Variants in SLC4A4 observed in about 807,000 individuals in gnomAD.
SLC4A4 encodes electrogenic sodium bicarbonate cotransporter 1.
A neutral mutation model predicts 111.5 loss-of-function variants in SLC4A4; 27 were observed. The observed-to-expected ratio is 0.24, with a 90% CI of 0.18 to 0.33. The LOEUF is 0.33. Among genes scored for constraint, SLC4A4 ranks in the 10% least tolerant of loss-of-function variants. The probability of loss-of-function intolerance (pLI) is 1.00; values close to 1 mark genes in which losing one functional copy is unlikely to be tolerated. For missense variants in SLC4A4, 909 were observed against 1,315.5 expected (o/e 0.69, Z 4.78); for synonymous variants, 443 against 463.4 (o/e 0.96, Z 0.57).
At chr4:71,484,007 C>G (rs576261285) in intron 14 of SLC4A4, among the ~76,000 whole-genome samples, 4 of 151,776 alleles carry the variant, frequency 2.6e-5, no homozygotes, top group Non-Finnish European at 5.9e-5. Flanking sequence ...CCTTAGCCCA[C>G]TTTTTAATAG....
intron 16 of SLC4A4, among the ~76,000 whole-genome samples, chr4:71,516,169 C>A (rs1347760606): frequency 8.0e-6 from 1 of 125,168 alleles, no homozygotes; most frequent in East Asian, 2.8e-4. Flanking sequence ...GATCTTGGCT[C>A]ACTGCAAGCT....
intron 3 of SLC4A4, among the ~76,000 whole-genome samples, chr4:71,323,474 A>C (rs1468486734): frequency 6.6e-6 from 1 of 152,002 alleles, no homozygotes; most frequent in Non-Finnish European, 1.5e-5. Flanking sequence ...ATCTGAACAA[A>C]AGGCTACAAG....
At chr4:71,500,932 T>C (rs759315243) in intron 16 of SLC4A4, among the ~76,000 whole-genome samples, 2 of 152,218 alleles carry the variant, frequency 1.3e-5, no homozygotes, top group Non-Finnish European at 2.9e-5. Context: ...TTGGTTTGGC[T>C]ATTTGGGGTC....
intron 1 of SLC4A4, among the ~76,000 whole-genome samples, chr4:71,087,379 A>G (rs1485140305): frequency 6.6e-6 from 1 of 151,722 alleles, no homozygotes; most frequent in African/African-American, 2.4e-5. Context: ...TGATTTTTTG[A>G]AGGGTTTTTT....
chr4:71,321,478 T>G (rs1727115498), intron 3 of SLC4A4, among the ~76,000 whole-genome samples: 1 of 151,942 alleles, frequency 6.6e-6, no homozygotes, highest in Non-Finnish European at 1.5e-5. Context: ...CTTTGCTGAT[T>G]AGTAGACATA....
At chr4:71,161,352 A>G (rs1276915327) in intron 2 of SLC4A4, among the ~76,000 whole-genome samples, 1 of 152,206 alleles carries the variant, frequency 6.6e-6, no homozygotes, top group Non-Finnish European at 1.5e-5. Context: ...ATCATCAGCT[A>G]TATCCTATTG....
rs143525059 is a variant in SLC4A4, at chr4:71,544,999, T to A, written c.2443-1351T>A. Among the ~76,000 whole-genome samples, 481 of 152,178 alleles carry A rather than the reference T, an allele frequency of 3.2e-3. 4 individuals carry two copies. The highest frequency in any genetic ancestry group is 0.011 in the African/African-American group (446 of 41,546). On this transcript the variant is annotated intron_variant, in intron 18 of 25. Transcript: ENST00000264485. Reference sequence around the variant, plus strand: ...ATGGTATTCACCTCACTAGTCATTATTGAACAAATTTATTTCAGCTCATCC... The same window carrying A: ...ATGGTATTCACCTCACTAGTCATTAATGAACAAATTTATTTCAGCTCATCC...
chr4:71,571,353 A>G lies in SLC4A4; in HGVS notation c.*3602A>G, dbSNP rs1406897939. 1 of 152,240 alleles carries G rather than the reference A, an allele frequency of 6.6e-6. No individual in the cohort carries two copies. Among genetic ancestry groups the G allele is most frequent in the South Asian group, 2.1e-4 (1 of 4,830 alleles). 9.4% of individuals were successfully genotyped at this position (152,240 alleles called of 1,614,324 possible). A position where few individuals can be genotyped will look rare whatever the true frequency, so the allele number is the denominator to read the frequency against. On this transcript the variant is annotated 3_prime_UTR_variant, in exon 26 of 26. Coordinates refer to ENST00000264485, the MANE Select transcript of SLC4A4 (RefSeq NM_001098484.3). ...ATATTTCACATTTGCTCTTCACAGC[A>G]TGAGCATGAAGCCCAGTGGCACCAA...
chr4:71,109,902 C>T (rs1397086651), intron 2 of SLC4A4, among the ~76,000 whole-genome samples: 1 of 152,150 alleles, frequency 6.6e-6, no homozygotes, highest in African/African-American at 2.4e-5. Context: ...TAGCCTTGCT[C>T]CCAAAGTTGT....
intron 4 of SLC4A4, among the ~76,000 whole-genome samples, chr4:71,345,474 C>CT (rs1268742296): frequency 6.6e-6 from 1 of 152,138 alleles, no homozygotes; most frequent in Admixed American, 6.6e-5. Flanking sequence ...GTAATTCAAA[C>CT]TGTGCTGCCA....
chr4:71,213,221 A>G (rs1718239189), intron 1 of SLC4A4, among the ~76,000 whole-genome samples: 1 of 152,110 alleles, frequency 6.6e-6, no homozygotes, highest in Non-Finnish European at 1.5e-5. Flanking sequence ...AGAATTCTGT[A>G]TTTTCCTGCA....
chr4:71,123,536 G>A (rs1295954627), intron 2 of SLC4A4, among the ~76,000 whole-genome samples: 3 of 152,080 alleles, frequency 2.0e-5, no homozygotes, highest in African/African-American at 7.2e-5. Flanking sequence ...TATTTGTAGG[G>A]AAGAAGAGCT....
intron 2 of SLC4A4, among the ~76,000 whole-genome samples, chr4:71,105,420 A>G (rs1404979548): frequency 6.6e-5 from 10 of 151,216 alleles, no homozygotes; most frequent in African/African-American, 2.0e-4. Context: ...GGAAAAAACT[A>G]CTTTAAAGTT....
Position 71,472,939 on chromosome 4 carries a change from CTT to C in SLC4A4, c.1875_1876del (p.Ser626LeufsTer7). ...SNFKVGYNTL[F>X]SCTCVPPDPA... Reference sequence around the variant, plus strand: ...ACTTCAAAGTGGGCTACAACACTCTCTTTTCCTGTACCTGTGTGCCACCTGAC... The same window carrying C: ...ACTTCAAAGTGGGCTACAACACTCTCTTCCTGTACCTGTGTGCCACCTGAC... On this transcript the variant is annotated frameshift_variant, in exon 14 of 26. Transcript: ENST00000264485. LOFTEE classifies it high-confidence loss of function. The C allele has an allele frequency of 6.2e-7, 1 of 1,612,998 alleles. No homozygotes were observed. The highest frequency in any genetic ancestry group is 8.5e-7 in the Non-Finnish European group (1 of 1,179,356).
chr4:71,266,770 T>TA (rs1722295263), intron 3 of SLC4A4, among the ~76,000 whole-genome samples: 1 of 152,160 alleles, frequency 6.6e-6, no homozygotes, highest in Non-Finnish European at 1.5e-5. Flanking sequence ...AGGAAAGAGA[T>TA]ACAGCAAGAT....
chr4:71,492,737 CTTTTGT>C (rs1730051122), intron 15 of SLC4A4, among the ~76,000 whole-genome samples: 1 of 151,964 alleles, frequency 6.6e-6, no homozygotes, highest in Non-Finnish European at 1.5e-5. Context: ...CTTTTATTCC[CTTTTGT>C]TACAGTTTTG....
At chr4:71,393,981 T>C (rs939661145) in intron 6 of SLC4A4, among the ~76,000 whole-genome samples, 17 of 152,218 alleles carry the variant, frequency 1.1e-4, no homozygotes, top group African/African-American at 4.1e-4. Context: ...TGAAACTGGA[T>C]CCTCATCTCT....
intron 2 of SLC4A4, among the ~76,000 whole-genome samples, chr4:71,134,302 C>T (rs1270689440): frequency 6.6e-6 from 1 of 152,196 alleles, no homozygotes; most frequent in Non-Finnish European, 1.5e-5. Context: ...CATGTCACTG[C>T]TGGCCTGTTC....
chr4:71,078,414 G>A (rs955272999), intron 1 of SLC4A4, among the ~76,000 whole-genome samples: 1 of 152,116 alleles, frequency 6.6e-6, no homozygotes, highest in Non-Finnish European at 1.5e-5. Context: ...TATGCAAGGT[G>A]TAGGGGGAAG....
Sources: gnomAD v4.1 joint callset for allele counts (sites outside exome capture counted in the v4.1 genomes callset) on GRCh38, gnomAD v4.1.1 for gene constraint, MANE v1.5 for transcripts, NCBI Gene and HGNC (gene_info 2026-07-23, HGNC 2026-07-21) for gene names.